CDH20: variants seen among roughly 807,000 people sequenced by gnomAD.
The protein encoded by CDH20 is cadherin 20.
CDH20 carries 29 observed loss-of-function variants against 74.2 expected under a neutral mutation model. That is an observed-to-expected ratio of 0.39 (90% CI 0.29 to 0.53). CDH20 has a LOEUF of 0.53. Ranked by LOEUF, CDH20 falls within the 20% of genes least tolerant of loss-of-function variation. CDH20 has a pLI of 0.69. For missense variants in CDH20, 988 were observed against 1,048.3 expected (o/e 0.94, Z 0.79); for synonymous variants, 469 against 405.4 (o/e 1.16, Z -1.88).
chr18:61,499,208 G>A lies in CDH20; in HGVS notation c.269G>A (p.Gly90Glu), dbSNP rs1239933228. ...CAGCTTCATTCAGATATGGACAGGG[G>A]AGACGGATCCATCAAATACATCCTC... ...VGKLHSDMDRGDGSIKYILSG... is the reference protein window; with the variant it reads ...VGKLHSDMDREDGSIKYILSG... Residue 90 changes from glycine to glutamate, a missense_variant, in exon 3 of 12, where the codon GGA becomes GAA. Physicochemically the swap from Gly to Glu is moderately conservative, Grantham distance 98. Coordinates refer to ENST00000262717, the MANE Select transcript of CDH20 (RefSeq NM_031891.4). 1 of 1,597,334 alleles carries A rather than the reference G, an allele frequency of 6.3e-7. No homozygotes were observed. Among genetic ancestry groups the A allele is most frequent in the Admixed American group, 1.7e-5 (1 of 58,750 alleles).
chr18:61,510,726 A>C (rs1338287185), intron 6 of CDH20, among the ~76,000 whole-genome samples: 1 of 152,210 alleles, frequency 6.6e-6, no homozygotes. Flanking sequence ...TTGACTTCTA[A>C]ATCATCAAAT....
At chr18:61,404,995 C>T in intron 1 of CDH20, 1 of 708,824 alleles carries the variant, frequency 1.4e-6, no homozygotes, top group Non-Finnish European at 2.6e-6. Context: ...TAGTGATGGA[C>T]ACCAGTTTTG....
rs1299681664 is a variant in CDH20 at position 61,425,045 on chromosome 18, CTCTCTCTCT to C, written c.-152-65356_-152-65348del. On this transcript the variant is annotated intron_variant, in intron 1 of 11. Transcript: ENST00000262717. ...CTCTCTCCCACTTCCCCGCTCCTCT[CTCTCTCTCT>C]CTCTCTCTCTCTCTCTCTCTCTCAC... Among the ~76,000 whole-genome samples the C allele has an allele frequency of 3.5e-3, 18 of 5,100 alleles. No homozygotes were observed. In the East Asian group the frequency reaches 0.35, roughly 100 times the overall value. 3.3% of individuals were successfully genotyped at this position (5,100 alleles called of 152,430 possible).
At chr18:61,403,417 A>G (rs932301194) in intron 1 of CDH20, among the ~76,000 whole-genome samples, 22 of 152,208 alleles carry the variant, frequency 1.4e-4, no homozygotes, top group Non-Finnish European at 3.2e-4. Context: ...CTTGGGAAAC[A>G]AGACTACCAT....
intron 1 of CDH20, among the ~76,000 whole-genome samples, chr18:61,365,504 C>T (rs994380070): frequency 2.6e-5 from 4 of 151,816 alleles, no homozygotes; most frequent in African/African-American, 9.7e-5. Context: ...AGTGAGAGTA[C>T]CAGGAATAAA....
At position 61,370,145 on chromosome 18, in the gene CDH20, AAG is replaced by A. The variant is rs558876796; in HGVS notation, c.-153+36323_-153+36324del. ...GTGACTAAAAATTGCTGCTCTCACG[AAG>A]AGAGTTAAAACTTCATGGGGTGCTT... On this transcript the variant is annotated intron_variant, in intron 1 of 11. Transcript: ENST00000262717. 3.9e-5 allele frequency among the ~76,000 whole-genome samples: 6 copies of A among 152,252 alleles called. No individual in the cohort carries two copies. The East Asian group carries it at 1.2e-3, about 29-fold the overall frequency.
chr18:61,360,528 C>G (rs11661460), intron 1 of CDH20, among the ~76,000 whole-genome samples: 2 of 151,550 alleles, frequency 1.3e-5, no homozygotes, highest in Non-Finnish European at 2.9e-5. Context: ...AGGCAGGAGG[C>G]GAGGGGAGGG....
chr18:61,477,357 G>T (rs1050521417), intron 1 of CDH20, among the ~76,000 whole-genome samples: 1 of 152,256 alleles, frequency 6.6e-6, no homozygotes, highest in Admixed American at 6.5e-5. Flanking sequence ...TACCAGTCTA[G>T]GGTCAGCTAA....
At chr18:61,541,933 C>T (rs1258667830) in intron 9 of CDH20, among the ~76,000 whole-genome samples, 1 of 152,118 alleles carries the variant, frequency 6.6e-6, no homozygotes, top group African/African-American at 2.4e-5. Context: ...GAACAGAGAG[C>T]AGGAGAGCGG....
At chr18:61,419,599 A>G (rs1443894491) in intron 1 of CDH20, among the ~76,000 whole-genome samples, 1 of 152,198 alleles carries the variant, frequency 6.6e-6, no homozygotes, top group Non-Finnish European at 1.5e-5. Flanking sequence ...CAGTATTTGT[A>G]TCTTTTCCCA....
chr18:61,502,234 G>T (rs949459544), intron 4 of CDH20, among the ~76,000 whole-genome samples: 1 of 152,060 alleles, frequency 6.6e-6, no homozygotes, highest in Non-Finnish European at 1.5e-5. Context: ...ACATTTCAAC[G>T]GATTTGGTGT....
intron 1 of CDH20, among the ~76,000 whole-genome samples, chr18:61,403,709 A>C (rs1912230246): frequency 6.6e-6 from 1 of 152,204 alleles, no homozygotes; most frequent in South Asian, 2.1e-4. Flanking sequence ...GGAAAATTAG[A>C]TAACTCATGG....
Position 61,444,643 on chromosome 18 carries a change from C to T in CDH20, c.-152-45759C>T, listed in dbSNP as rs542764882. The stretch of plus-strand genomic sequence containing the variant: ...AAGGGGGAGGGCTGCCGGAGAGGTG[C>T]AAGTCCTGTGCAAGTCTACATGGGT... On this transcript the variant is annotated intron_variant, in intron 1 of 11. Transcript: ENST00000262717. Among the ~76,000 whole-genome samples the T allele has an allele frequency of 1.8e-4, 28 of 152,278 alleles. No individual in the cohort carries two copies. In the South Asian group the frequency reaches 5.8e-3, roughly 32 times the overall value.
intron 1 of CDH20, among the ~76,000 whole-genome samples, chr18:61,450,957 C>T (rs748344920): frequency 1.6e-4 from 24 of 151,848 alleles, no homozygotes; most frequent in Non-Finnish European, 2.4e-4. Context: ...CATCTTTATA[C>T]GTTTGTGAAA....
chr18:61,442,559 A>G (rs1248057518), intron 1 of CDH20, among the ~76,000 whole-genome samples: 9 of 152,090 alleles, frequency 5.9e-5, no homozygotes, highest in Non-Finnish European at 1.0e-4. Flanking sequence ...TATACTTCAT[A>G]TGGCACAGAA....
chr18:61,339,355 T>C (rs973231860), intron 1 of CDH20, among the ~76,000 whole-genome samples: 1 of 145,806 alleles, frequency 6.9e-6, no homozygotes, highest in African/African-American at 2.7e-5. Context: ...CATGTGCAAG[T>C]TTATTACACA....
intron 1 of CDH20, among the ~76,000 whole-genome samples, chr18:61,373,851 C>A (rs960088822): frequency 6.6e-6 from 1 of 151,984 alleles, no homozygotes; most frequent in Non-Finnish European, 1.5e-5. Context: ...CAACTTTCTC[C>A]CCAGATATTT....
At chr18:61,517,574 C>T (rs1424109071) in intron 6 of CDH20, among the ~76,000 whole-genome samples, 1 of 152,184 alleles carries the variant, frequency 6.6e-6, no homozygotes, top group Non-Finnish European at 1.5e-5. Flanking sequence ...ACGCTTTTCC[C>T]ATGGTCTTTG....
chr18:61,479,646 CTA>C (rs1462116013), intron 1 of CDH20, among the ~76,000 whole-genome samples: 3 of 131,092 alleles, frequency 2.3e-5, no homozygotes, highest in African/African-American at 8.5e-5. Flanking sequence ...CTTGTCTTCT[CTA>C]TGTGTGTGTC....
Sources: allele counts gnomAD v4.1 joint callset (sites outside exome capture counted in the v4.1 genomes callset), GRCh38; gene constraint gnomAD v4.1.1; transcripts MANE v1.5; gene names NCBI Gene and HGNC (gene_info 2026-07-23, HGNC 2026-07-21).